SPEF2: variants seen among roughly 807,000 people sequenced by gnomAD.
SPEF2 encodes sperm flagella and cilia-associated protein 2.
A neutral mutation model predicts 224.6 loss-of-function variants in SPEF2; 187 were observed. The ratio of observed to expected loss-of-function variants is 0.83; its 90% confidence interval spans 0.74 to 0.94. The LOEUF (loss-of-function observed/expected upper bound fraction) is 0.94, where lower values mean the gene tolerates loss of function less well. Ranked by LOEUF, SPEF2 falls within the 40% of genes least tolerant of loss-of-function variation. The pLI, the probability that SPEF2 is intolerant of heterozygous loss-of-function variation, is 0.00. For missense variants in SPEF2, 2,170 were observed against 2,135.6 expected, an observed-to-expected ratio of 1.02 and a Z score of -0.32; for synonymous variants, 715 against 707.3, an observed-to-expected ratio of 1.01 and a Z score of -0.17.
chr5:35,683,729 T>TA (rs1753166955), intron 10 of SPEF2, among the ~76,000 whole-genome samples: 2 of 152,346 alleles, frequency 1.3e-5, no homozygotes, highest in East Asian at 3.9e-4. Context: ...TCTCTGTGTG[T>TA]AAGCAGACAA....
intron 26 of SPEF2, among the ~76,000 whole-genome samples, chr5:35,769,994 T>A (rs982324459): frequency 1.1e-5 from 1 of 89,464 alleles, no homozygotes; most frequent in South Asian, 5.2e-4. Flanking sequence ...CCATAATGTG[T>A]GTGTGTGTGT....
At position 35,806,947 on chromosome 5, in the gene SPEF2, G is replaced by T. The variant is rs1758140582; in HGVS notation, c.5251G>T (p.Ala1751Ser). The T allele has an allele frequency of 6.3e-7, 1 of 1,596,646 alleles. No homozygotes were observed. Among genetic ancestry groups the T allele is most frequent in the South Asian group, 1.2e-5 (1 of 86,800 alleles). The change falls in exon 35 of 37, where the codon GCA (alanine) becomes TCA (serine). Residue 1751 changes from alanine (A) to serine (S), a missense_variant. Transcript: ENST00000356031. ...CCACCTAAAGATAGAGAACATTTAT[G>T]CAGAGGTTGGTTAAATTATTTTGAA... is the stretch of plus-strand genomic sequence containing the variant. The part of the protein sequence containing the change: ...ASHLKIENIY[A>S]EGFIKTFQDL...
At chr5:35,708,717 A>ACCAC (rs1740497205) in intron 18 of SPEF2, among the ~76,000 whole-genome samples, 7 of 1,314 alleles carry the variant, frequency 5.3e-3, no homozygotes, top group East Asian at 0.028. Context: ...CTACCCATCA[A>ACCAC]CATTACCACC....
intron 3 of SPEF2, 49 bp from the exon 4 acceptor site, chr5:35,644,306 G>A (rs1227032328): frequency 2.2e-6 from 3 of 1,377,922 alleles, no homozygotes; most frequent in African/African-American, 2.9e-5. Flanking sequence ...TAATGAAAAT[G>A]TACTCTTTAT....
intron 23 of SPEF2, among the ~76,000 whole-genome samples, chr5:35,742,133 AT>A (rs1747750732): frequency 6.6e-6 from 1 of 152,162 alleles, no homozygotes; most frequent in Non-Finnish European, 1.5e-5. Context: ...TTCTTTTTCA[AT>A]AAACATTCAT....
chr5:35,750,548 G>T (rs1267196307), intron 23 of SPEF2, among the ~76,000 whole-genome samples: 1 of 151,998 alleles, frequency 6.6e-6, no homozygotes, highest in East Asian at 1.9e-4. Flanking sequence ...TAAATAGCCA[G>T]TTCTCAAAAG....
chr5:35,653,723 G>T (rs925685997), intron 6 of SPEF2, among the ~76,000 whole-genome samples: 3 of 152,062 alleles, frequency 2.0e-5, no homozygotes, highest in Non-Finnish European at 4.4e-5. Flanking sequence ...GAGGCAGGCA[G>T]ATTATGAGGT....
chr5:35,745,779 T>C (rs1009512119), intron 23 of SPEF2, among the ~76,000 whole-genome samples: 5 of 152,210 alleles, frequency 3.3e-5, no homozygotes, highest in African/African-American at 1.2e-4. Flanking sequence ...TTGGGAGTTC[T>C]AGGGCCCAGC....
At chr5:35,759,471 A>ATT in intron 24 of SPEF2, 97 bp from the exon 25 acceptor site, 1 of 1,078,158 alleles carries the variant, frequency 9.3e-7, no homozygotes, top group Non-Finnish European at 1.3e-6. Context: ...TTCAATCTAA[A>ATT]TGTTTTCAAA....
intron 19 of SPEF2, among the ~76,000 whole-genome samples, chr5:35,712,363 G>A (rs958589523): frequency 3.3e-5 from 5 of 151,884 alleles, no homozygotes; most frequent in Admixed American, 6.6e-5. Context: ...ATCAATAGCC[G>A]GGACTACAGG....
chr5:35,628,023 A>G (rs970469596), intron 1 of SPEF2, among the ~76,000 whole-genome samples: 1 of 152,236 alleles, frequency 6.6e-6, no homozygotes, highest in African/African-American at 2.4e-5. Flanking sequence ...TTGCAGGTTA[A>G]AATGAGGTAT....
chr5:35,622,375 A>G (rs896329095), intron 1 of SPEF2, among the ~76,000 whole-genome samples: 7 of 152,204 alleles, frequency 4.6e-5, no homozygotes, highest in Non-Finnish European at 1.0e-4. Flanking sequence ...AAAAAATCCC[A>G]TTGAATATTT....
chr5:35,628,597 G>T lies in SPEF2; in HGVS notation c.161+35G>T, dbSNP rs137998731. On this transcript the variant is annotated intron_variant, in intron 2 of 36. Transcript: ENST00000356031. ...ATTATTCCTTTTTGTTGTTGTTGTT[G>T]TTTATTTGTTTTGAGACAAGGTCTT... 3.7e-4 allele frequency: 539 copies of T among 1,454,220 alleles called. 6 individuals are homozygous for T. In the African/African-American group the frequency reaches 6.6e-3, roughly 18 times the overall value. 90.1% of individuals were successfully genotyped at this position (1,454,220 alleles called of 1,614,324 possible).
chr5:35,665,647 T>G (rs1750369330), intron 8 of SPEF2, among the ~76,000 whole-genome samples: 1 of 152,152 alleles, frequency 6.6e-6, no homozygotes, highest in Admixed American at 6.6e-5. Flanking sequence ...CATTTTTTTT[T>G]GTCACTCTTT....
At chr5:35,625,544 A>T (rs1179549708) in intron 1 of SPEF2, among the ~76,000 whole-genome samples, 1 of 152,216 alleles carries the variant, frequency 6.6e-6, no homozygotes, top group African/African-American at 2.4e-5. Context: ...TAACATAGCA[A>T]CAGCTCTTGA....
At chr5:35,788,570 A>C (rs1198227495) in intron 30 of SPEF2, 1 of 702,842 alleles carries the variant, frequency 1.4e-6, no homozygotes, top group Non-Finnish European at 2.6e-6. Context: ...AGTAGAAAGA[A>C]ATGATCCTCT....
In SPEF2 at chr5:35,705,655, A is replaced by G; in HGVS notation, c.2512A>G (p.Ile838Val). ...NLRDQIQHRIIGFLDNWPLLE... is the reference protein window; with the variant it reads ...NLRDQIQHRIVGFLDNWPLLE... ...TATCATATTTTGATTTTGCAGAATT[A>G]TAGGCTTCTTGGACAACTGGCCTTT... Residue 838 changes from isoleucine to valine, a missense_variant, in exon 18 of 37, where the codon ATA (isoleucine) becomes GTA (valine). Transcript: ENST00000356031. The G allele has an allele frequency of 6.3e-7, 1 of 1,577,914 alleles. No homozygotes were observed.
At chr5:35,650,752 T>C (rs2149427591) in intron 6 of SPEF2, among the ~76,000 whole-genome samples, 1 of 152,344 alleles carries the variant, frequency 6.6e-6, no homozygotes, top group African/African-American at 2.4e-5. Flanking sequence ...ATCATCCCTG[T>C]ACATTACAGC....
intron 21 of SPEF2, among the ~76,000 whole-genome samples, chr5:35,734,907 T>C (rs1280828674): frequency 2.0e-5 from 3 of 151,948 alleles, no homozygotes. Flanking sequence ...AGATGGGGTT[T>C]CACCATGTTG....
Sources: gnomAD v4.1 joint callset for allele counts (sites outside exome capture counted in the v4.1 genomes callset) on GRCh38, gnomAD v4.1.1 for gene constraint, MANE v1.5 for transcripts, NCBI Gene and HGNC (gene_info 2026-07-23, HGNC 2026-07-21) for gene names.